Variants in PPP1R21 observed in about 807,000 individuals in gnomAD.
PPP1R21 encodes the protein protein phosphatase 1 regulatory subunit 21.
PPP1R21 carries 85 observed loss-of-function variants against 112.8 expected under a neutral mutation model. The observed-to-expected ratio is 0.75, with a 90% confidence interval of 0.63 to 0.90. The LOEUF (loss-of-function observed/expected upper bound fraction) is 0.90. PPP1R21 is among the 40% of genes least tolerant of loss of function. The pLI is 0.00. For synonymous variants in PPP1R21, 381 were observed against 322.3 expected (o/e 1.18, Z -1.95); for missense variants, 1,199 against 901.5 (o/e 1.33, Z -4.23).
rs141082152 is a variant in PPP1R21, at chr2:48,484,763, A to T, written c.1319-1868A>T. On this transcript the variant is annotated intron_variant, in intron 13 of 21. Transcript: ENST00000294952. ...ACTCCTGGCCTCCAGTGATCTGCCC[A>T]CGTCGGTCTCCCAAAGTGCTAGATT... Among the ~76,000 whole-genome samples the T allele has an allele frequency of 1.7e-4, 26 of 152,244 alleles. No homozygotes were observed. In the East Asian group the frequency reaches 3.9e-3, roughly 23 times the overall value.
At chr2:48,445,272 C>A (rs75813531) in intron 1 of PPP1R21, among the ~76,000 whole-genome samples, 1 of 151,106 alleles carries the variant, frequency 6.6e-6, no homozygotes, top group Non-Finnish European at 1.5e-5. Flanking sequence ...TCTGTGCTGT[C>A]CAGCAGGGTA....
At chr2:48,471,889 A>G (rs1668524126) in intron 11 of PPP1R21, among the ~76,000 whole-genome samples, 1 of 152,190 alleles carries the variant, frequency 6.6e-6, no homozygotes, top group Admixed American at 6.5e-5. Flanking sequence ...TTTGGTTTAC[A>G]ACTACCAAGA....
intron 13 of PPP1R21, among the ~76,000 whole-genome samples, chr2:48,483,117 C>T (rs147123692): frequency 0.033 from 4,955 of 150,792 alleles, 111 homozygotes; most frequent in Non-Finnish European, 0.05. Context: ...GACATGATCT[C>T]GTTCCTTTTT....
Position 48,465,620 on chromosome 2 carries a change from C to T in PPP1R21, c.875C>T (p.Thr292Ile), listed in dbSNP as rs758131327. 3 of 1,612,128 alleles carry T rather than the reference C, an allele frequency of 1.9e-6. No individual in the cohort carries two copies. Among genetic ancestry groups the T allele is most frequent in the Non-Finnish European group, 2.5e-6 (3 of 1,179,492 alleles). Residue 292 changes from threonine to isoleucine, a missense_variant, in exon 9 of 22, where the codon ACT becomes ATT. By Grantham distance (89) the Thr-to-Ile change is moderately conservative (BLOSUM62 -1). Coordinates refer to ENST00000294952, the MANE Select transcript of PPP1R21 (RefSeq NM_001135629.3). ...TTTCCTGTTGATTCTGCCATTGACA[C>T]TATATCTCCATTGAATCAGAAGGTA... ...QIFPVDSAID[T>I]ISPLNQKFSQ...
chr2:48,495,943 T>C, intron 16 of PPP1R21, 172 bp downstream of exon 16: 2 of 560,888 alleles, frequency 3.6e-6, no homozygotes, highest in South Asian at 4.7e-5. Flanking sequence ...GAAAAACATG[T>C]GTTGACACTC....
chr2:48,508,822 T>C (rs1257420615), intron 19 of PPP1R21, among the ~76,000 whole-genome samples: 1 of 152,144 alleles, frequency 6.6e-6, no homozygotes, highest in East Asian at 1.9e-4. Context: ...GCTGAGGAAT[T>C]TTTTTTAGGC....
At chr2:48,450,050 G>A (rs1667406838) in intron 1 of PPP1R21, among the ~76,000 whole-genome samples, 1 of 152,072 alleles carries the variant, frequency 6.6e-6, no homozygotes, top group Non-Finnish European at 1.5e-5. Flanking sequence ...CATAATTTCT[G>A]ATTTGTATAC....
At chr2:48,476,663 C>T (rs1668767882) in intron 12 of PPP1R21, among the ~76,000 whole-genome samples, 1 of 152,134 alleles carries the variant, frequency 6.6e-6, no homozygotes, top group Non-Finnish European at 1.5e-5. Flanking sequence ...ACTGGTATCT[C>T]ATTGTAGTTT....
At position 48,441,015 on chromosome 2, in the gene PPP1R21, C is replaced by G; in HGVS notation, c.57+5C>G. On this transcript the variant is annotated splice_donor_5th_base_variant and intron_variant, in intron 1 of 21. Transcript: ENST00000294952. ...CTGGCTCAGGAGTACTCGAAGGTAC[C>G]CATCGTGGTCTGGGAGTAGGGGGTC... 1.2e-6 allele frequency: 2 copies of G among 1,603,184 alleles called. No homozygotes were observed. The highest frequency in any genetic ancestry group is 1.7e-6 in the Non-Finnish European group (2 of 1,170,968).
chr2:48,457,979 G>A (rs370638310), intron 3 of PPP1R21, 147 bp from the exon 4 acceptor site: 2 of 633,052 alleles, frequency 3.2e-6, no homozygotes, highest in East Asian at 3.2e-5. Flanking sequence ...AAAGTTAAAT[G>A]ATGAACTGTA....
rs779022424 is a variant in PPP1R21, at chr2:48,498,679, G to A, written c.1879G>A (p.Gly627Ser). The change falls in exon 17 of 22, where the codon GGC (glycine) becomes AGC (serine). Residue 627 changes from glycine (G) to serine (S), a missense_variant. Transcript: ENST00000294952. ...AAATGCTGCTGTGTCAAATACTGCT[G>A]GCCAGGATGAAGCCACAGCTAAGGC... ...QENAAVSNTAGQDEATAKAVL... is the reference protein window; with the variant it reads ...QENAAVSNTASQDEATAKAVL... 2.5e-6 allele frequency: 4 copies of A among 1,614,098 alleles called. No individual in the cohort carries two copies. The Admixed American group carries it at 6.7e-5, about 27-fold the overall frequency.
chr2:48,466,783 A>G (rs1420003816), intron 9 of PPP1R21, among the ~76,000 whole-genome samples: 1 of 152,112 alleles, frequency 6.6e-6, no homozygotes, highest in East Asian at 1.9e-4. Flanking sequence ...GGTTGGGAAC[A>G]GGGTGAGGCA....
At position 48,469,504 on chromosome 2, in the gene PPP1R21, T is replaced by TATATAG. The variant is rs1553339264; in HGVS notation, c.898-1582_898-1581insTATAGA. On this transcript the variant is annotated intron_variant, in intron 9 of 21. Transcript: ENST00000294952. ...TATATAGAGCATATATATATATATA[T>TATATAG]AGAGCATATATATATATATATATAT... is the stretch of plus-strand genomic sequence containing the variant. Among the ~76,000 whole-genome samples the TATATAG allele has an allele frequency of 9.8e-5, 4 of 40,834 alleles. 1 individual carries two copies. The highest frequency in any genetic ancestry group is 4.1e-4 in the African/African-American group (3 of 7,332). 26.8% of individuals were successfully genotyped at this position (40,834 alleles called of 152,430 possible). A position where few individuals can be genotyped will look rare whatever the true frequency, so the allele number is the denominator to read the frequency against.
At chr2:48,441,081 C>G (rs1429286300) in intron 1 of PPP1R21, 71 bp downstream of exon 1, 1 of 1,104,464 alleles carries the variant, frequency 9.1e-7, no homozygotes, top group Non-Finnish European at 1.4e-6. Flanking sequence ...AGCGACTTGT[C>G]GGGACCTAGG....
intron 1 of PPP1R21, 138 bp downstream of exon 1, chr2:48,441,148 C>T (rs1335353842): frequency 2.9e-6 from 2 of 685,922 alleles, no homozygotes; most frequent in South Asian, 3.2e-5. Flanking sequence ...CCGTCTCCGT[C>T]CACCATTACG....
At chr2:48,494,606 G>C (rs1293315938) in intron 15 of PPP1R21, among the ~76,000 whole-genome samples, 1 of 151,890 alleles carries the variant, frequency 6.6e-6, no homozygotes, top group Non-Finnish European at 1.5e-5. Context: ...AGTAGAAACG[G>C]GGTTTCACCA....
chr2:48,503,557 T>C (rs1670226801), intron 17 of PPP1R21, among the ~76,000 whole-genome samples: 1 of 152,220 alleles, frequency 6.6e-6, no homozygotes, highest in African/African-American at 2.4e-5. Flanking sequence ...TCAAATTCCT[T>C]GATCTTTATT....
intron 2 of PPP1R21, among the ~76,000 whole-genome samples, chr2:48,453,434 C>T (rs1667572162): frequency 6.6e-6 from 1 of 152,138 alleles, no homozygotes; most frequent in Non-Finnish European, 1.5e-5. Flanking sequence ...CTTAAGCAGT[C>T]CTCCTGTCTC....
intron 15 of PPP1R21, among the ~76,000 whole-genome samples, chr2:48,493,829 T>C (rs1572883091): frequency 1.3e-5 from 2 of 152,130 alleles, no homozygotes; most frequent in East Asian, 3.9e-4. Flanking sequence ...CTGTTCTTCA[T>C]CTATTTTGGT....
Sources: gnomAD v4.1 joint callset for allele counts (sites outside exome capture counted in the v4.1 genomes callset) on GRCh38, gnomAD v4.1.1 for gene constraint, MANE v1.5 for transcripts, NCBI Gene and HGNC (gene_info 2026-07-23, HGNC 2026-07-21) for gene names.